The following KCNJ4 variants were observed in gnomAD, a reference collection of about 807,000 sequenced individuals.
KCNJ4 encodes the protein inward rectifier potassium channel 4.
Under a neutral mutation model 25.6 loss-of-function variants are expected in KCNJ4, and 3 were observed. The observed-to-expected ratio is 0.12, with a 90% CI of 0.05 to 0.30. The LOEUF (loss-of-function observed/expected upper bound fraction) is 0.30. Among genes scored for constraint, KCNJ4 ranks in the 10% least tolerant of loss-of-function variants. The pLI is 1.00. For synonymous variants in KCNJ4, 257 were observed against 283.9 expected, an observed-to-expected ratio of 0.91 and a Z score of 0.95; for missense variants, 286 against 666.8, an observed-to-expected ratio of 0.43 and a Z score of 6.29.
At chr22:38,441,171 C>T (rs2089329504) in intron 1 of KCNJ4, among the ~76,000 whole-genome samples, 1 of 152,138 alleles carries the variant, frequency 6.6e-6, no homozygotes, top group Non-Finnish European at 1.5e-5. Flanking sequence ...AGGGAGCTCT[C>T]AGCAGAGTTG....
chr22:38,452,881 C>A (rs1273481786), intron 1 of KCNJ4, among the ~76,000 whole-genome samples: 2 of 151,324 alleles, frequency 1.3e-5, no homozygotes, highest in East Asian at 2.0e-4. Context: ...CTACCCGCCA[C>A]CCCCACCCCA....
chr22:38,432,683 A>G (rs1569119723), intron 1 of KCNJ4, among the ~76,000 whole-genome samples: 2 of 152,182 alleles, frequency 1.3e-5, no homozygotes, highest in African/African-American at 2.4e-5. Flanking sequence ...AAGAAGGATC[A>G]ATGGGCCGGG....
intron 1 of KCNJ4, 54 bp downstream of exon 1, chr22:38,454,926 C>T (rs1569126394): frequency 6.6e-6 from 1 of 151,742 alleles, no homozygotes; most frequent in Non-Finnish European, 1.5e-5. Context: ...CACAGACACG[C>T]ACGCGGCGGG....
rs1349886685 is a variant in KCNJ4, at chr22:38,427,430, G to A, written c.703C>T (p.Leu235=). ...KPYMTQEGEY[L]PLDQRDLNVG... ...TTGAGGTCCCGCTGGTCCAGGGGCA[G>A]GTACTCGCCCTCCTGGGTCATGTAG... The change falls in exon 2 of 2, where the codon CTG becomes TTG. Residue 235 remains leucine, a synonymous_variant. Coordinates refer to ENST00000303592, the MANE Select transcript of KCNJ4 (RefSeq NM_152868.3). 1.9e-6 allele frequency: 3 copies of A among 1,613,672 alleles called. No individual in the cohort carries two copies. The highest frequency in any genetic ancestry group is 2.5e-6 in the Non-Finnish European group (3 of 1,179,864).
At chr22:38,452,252 T>C (rs1279741861) in intron 1 of KCNJ4, among the ~76,000 whole-genome samples, 10 of 152,146 alleles carry the variant, frequency 6.6e-5, no homozygotes, top group African/African-American at 1.9e-4. Context: ...GGACTCCACA[T>C]GAGGCAAGGG....
intron 1 of KCNJ4, among the ~76,000 whole-genome samples, chr22:38,440,471 G>T (rs534479607): frequency 1.6e-4 from 25 of 152,186 alleles, no homozygotes; most frequent in African/African-American, 5.8e-4. Context: ...GAACCCAGGA[G>T]GCAGAGGTTG....
chr22:38,431,297 C>A (rs1334944214), intron 1 of KCNJ4, among the ~76,000 whole-genome samples: 1 of 152,176 alleles, frequency 6.6e-6, no homozygotes, highest in African/African-American at 2.4e-5. Context: ...GGAGCCGATC[C>A]CCTGATGGCT....
intron 1 of KCNJ4, among the ~76,000 whole-genome samples, chr22:38,434,917 G>A (rs889298039): frequency 5.3e-5 from 8 of 152,332 alleles, no homozygotes; most frequent in Non-Finnish European, 8.8e-5. Flanking sequence ...TCACCAGGCC[G>A]CTGCTGAATG....
intron 1 of KCNJ4, among the ~76,000 whole-genome samples, chr22:38,438,239 C>CAAAA (rs57825965): frequency 1.6e-3 from 36 of 22,670 alleles, no homozygotes; most frequent in Non-Finnish European, 2.3e-3. Flanking sequence ...TACTCTGTCT[C>CAAAA]AAAAAAAAAA....
chr22:38,426,617 C>A lies in KCNJ4; in HGVS notation c.*178G>T. ...TCAGGCTGATCGGGGCCGAGCTCTT[C>A]CCAGGCCTGGGTGCTGGAGTCAGGA... On this transcript the variant is annotated 3_prime_UTR_variant, in exon 2 of 2. Transcript: ENST00000303592. The A allele has an allele frequency of 1.3e-6, 1 of 789,788 alleles. No homozygotes were observed. The allele number at this position is 789,788 out of a possible 1,614,324, so 48.9% of individuals were successfully genotyped here.
chr22:38,439,066 T>C (rs1414385647), intron 1 of KCNJ4, among the ~76,000 whole-genome samples: 5 of 152,104 alleles, frequency 3.3e-5, no homozygotes, highest in Admixed American at 2.6e-4. Flanking sequence ...GGCAACATGG[T>C]AAAACCCCAT....
In KCNJ4 at chr22:38,449,887, G is replaced by C. The variant is rs1178145731; in HGVS notation, c.-40+5093C>G. ...CTTTGGGAGTGGGGGGCCAAGACCA[G>C]AGCAAGCCAGAGCGTGAGCTCACCC... is the stretch of plus-strand genomic sequence containing the variant. On this transcript the variant is annotated intron_variant, in intron 1 of 1. Transcript: ENST00000303592. The surrounding 1 kb of genome is among the most constrained non-coding windows in gnomAD (Gnocchi z 5.2). 6.6e-6 allele frequency among the ~76,000 whole-genome samples: 1 copy of C among 152,230 alleles called. No homozygotes were observed.
chr22:38,435,480 G>A (rs1324478728), intron 1 of KCNJ4, among the ~76,000 whole-genome samples: 1 of 152,096 alleles, frequency 6.6e-6, no homozygotes, highest in Non-Finnish European at 1.5e-5. Context: ...ATCACCTGAT[G>A]TCAGGAGTTC....
At chr22:38,447,023 G>A (rs2089379738) in intron 1 of KCNJ4, among the ~76,000 whole-genome samples, 9 of 151,368 alleles carry the variant, frequency 5.9e-5, no homozygotes, top group African/African-American at 1.7e-4. Context: ...GGCTCAGAGA[G>A]GTGAAAAACC....
intron 1 of KCNJ4, among the ~76,000 whole-genome samples, chr22:38,451,245 CGA>C (rs2089408986): frequency 1.3e-5 from 2 of 152,130 alleles, no homozygotes; most frequent in African/African-American, 4.8e-5. Flanking sequence ...ACCCGTAAGG[CGA>C]GAGTCACCTG....
intron 1 of KCNJ4, among the ~76,000 whole-genome samples, chr22:38,432,256 A>AACATAAATAAATAAAT (rs2093052046): frequency 7.0e-6 from 1 of 142,664 alleles, no homozygotes; most frequent in East Asian, 2.0e-4. Flanking sequence ...ACTCCATCTC[A>AACATAAATAAATAAAT]AAATAAATAA....
rs375144389 is a variant in KCNJ4 at position 38,454,777 on chromosome 22, G to C, written c.-40+203C>G. On this transcript the variant is annotated intron_variant, in intron 1 of 1. Coordinates refer to ENST00000303592, the MANE Select transcript of KCNJ4 (RefSeq NM_152868.3). Reference sequence around the variant, plus strand: ...AACCCAGACCGCGACGCTCCCAGACGGACAGACGGACAGAGCCCGCCCGTG... The same window carrying C: ...AACCCAGACCGCGACGCTCCCAGACCGACAGACGGACAGAGCCCGCCCGTG... 3.3e-5 allele frequency among the ~76,000 whole-genome samples: 5 copies of C among 152,036 alleles called. No homozygotes were observed. The East Asian group carries it at 9.7e-4, about 30-fold the overall frequency.
intron 1 of KCNJ4, among the ~76,000 whole-genome samples, chr22:38,444,880 G>A (rs2089362851): frequency 6.6e-6 from 1 of 152,316 alleles, no homozygotes; most frequent in South Asian, 2.1e-4. Flanking sequence ...CCCCTGAGCT[G>A]GAACAGCATC....
At chr22:38,444,244 T>C (rs1377247048) in intron 1 of KCNJ4, among the ~76,000 whole-genome samples, 2 of 152,194 alleles carry the variant, frequency 1.3e-5, no homozygotes, top group African/African-American at 2.4e-5. Context: ...ATAGAGTAGC[T>C]GCTTCATAAA....
Sources: gnomAD v4.1 joint callset for allele counts (sites outside exome capture counted in the v4.1 genomes callset) on GRCh38, gnomAD v4.1.1 for gene constraint, Gnocchi (gnomAD v3.1) non-coding constraint, MANE v1.5 for transcripts, NCBI Gene and HGNC (gene_info 2026-07-23, HGNC 2026-07-21) for gene names.